Variants in PAK1 observed in about 807,000 individuals in gnomAD.
The protein encoded by PAK1 is serine/threonine-protein kinase PAK 1.
A neutral mutation model predicts 67.4 loss-of-function variants in PAK1; 29 were observed. The ratio of observed to expected loss-of-function variants is 0.43; its 90% CI spans 0.32 to 0.59. The LOEUF (loss-of-function observed/expected upper bound fraction) is 0.59. Among genes scored for constraint, PAK1 ranks in the 20% least tolerant of loss-of-function variants. The pLI, the probability that PAK1 is intolerant of heterozygous loss-of-function variation, is 0.07. For synonymous variants in PAK1, 223 were observed against 237.4 expected, an observed-to-expected ratio of 0.94 and a Z score of 0.56; for missense variants, 337 against 670.7, an observed-to-expected ratio of 0.50 and a Z score of 5.50.
At chr11:77,363,945 G>A (rs1010726712) in intron 5 of PAK1, among the ~76,000 whole-genome samples, 6 of 152,174 alleles carry the variant, frequency 3.9e-5, no homozygotes, top group Non-Finnish European at 7.3e-5. Flanking sequence ...GTTCCATCAG[G>A]GCAGACCAGG....
chr11:77,356,058 T>G (rs1482868796), intron 6 of PAK1: 1 of 458,172 alleles, frequency 2.2e-6, no homozygotes, highest in Non-Finnish European at 3.9e-6. Context: ...GAAGTGAGAG[T>G]CTCAGCACTA....
chr11:77,433,754 G>C (rs1296053107), intron 1 of PAK1, among the ~76,000 whole-genome samples: 1 of 152,162 alleles, frequency 6.6e-6, no homozygotes. Flanking sequence ...ACTCCAGCGT[G>C]GGCGACAGAG....
chr11:77,486,571 C>A, the PAK1 span, among the ~76,000 whole-genome samples: 2 of 152,186 alleles, frequency 1.3e-5, no homozygotes, highest in South Asian at 4.1e-4. Flanking sequence ...CAGACACCAC[C>A]CCTCTTCCAT....
intron 1 of PAK1, among the ~76,000 whole-genome samples, chr11:77,416,539 G>A (rs949071098): frequency 6.6e-6 from 1 of 152,112 alleles, no homozygotes; most frequent in African/African-American, 2.4e-5. Context: ...ACCTGCCTGA[G>A]GCTGTTTTAC....
the PAK1 span, among the ~76,000 whole-genome samples, chr11:77,508,625 CT>C: frequency 6.6e-6 from 1 of 150,504 alleles, no homozygotes; most frequent in Non-Finnish European, 1.5e-5. Context: ...TTTTCTGACT[CT>C]AATTCTCTAT....
chr11:77,441,827 A>G (rs991483170), intron 1 of PAK1, among the ~76,000 whole-genome samples: 2 of 152,228 alleles, frequency 1.3e-5, no homozygotes, highest in African/African-American at 2.4e-5. Flanking sequence ...TTCATCAGCT[A>G]ATTTTCTCCA....
chr11:77,381,511 A>C (rs1949831671), intron 2 of PAK1, among the ~76,000 whole-genome samples: 1 of 152,254 alleles, frequency 6.6e-6, no homozygotes. Context: ...AAGGCTCTTC[A>C]CATTCTATTT....
intron 1 of PAK1, among the ~76,000 whole-genome samples, chr11:77,399,796 T>C (rs1470060343): frequency 8.6e-6 from 1 of 115,870 alleles, no homozygotes; most frequent in Non-Finnish European, 1.6e-5. Flanking sequence ...GAGGCGGAGC[T>C]TGCAGTGAGC....
chr11:77,358,823 G>T, intron 6 of PAK1, 75 bp downstream of exon 6: 2 of 1,447,028 alleles, frequency 1.4e-6, no homozygotes, highest in Non-Finnish European at 1.9e-6. Flanking sequence ...AAACTTCTAG[G>T]TATCAGCACC....
chr11:77,331,841 TAAATA>T (rs61693208), intron 14 of PAK1, among the ~76,000 whole-genome samples: 7,029 of 150,090 alleles, frequency 0.047, 563 homozygotes, highest in African/African-American at 0.16. Context: ...AAATAAAACA[TAAATA>T]AAATAAAATA....
At chr11:77,450,789 T>C (rs905602058) in intron 1 of PAK1, among the ~76,000 whole-genome samples, 9 of 152,212 alleles carry the variant, frequency 5.9e-5, no homozygotes, top group African/African-American at 2.2e-4. Flanking sequence ...TGCTATTCAG[T>C]GGGCTGCAAC....
the PAK1 span, among the ~76,000 whole-genome samples, chr11:77,505,896 A>G: frequency 2.0e-5 from 3 of 152,312 alleles, no homozygotes; most frequent in Admixed American, 6.5e-5. Context: ...CCTAAGAAGG[A>G]GCAATCAGCC....
At chr11:77,462,982 A>AAGGGGGG (rs1555174687) in intron 1 of PAK1, among the ~76,000 whole-genome samples, 1 of 11,702 alleles carries the variant, frequency 8.5e-5, no homozygotes, top group African/African-American at 3.5e-4. Context: ...AAAAAAAAAA[A>AAGGGGGG]GGTGGGTGGG....
chr11:77,521,327 C>T, the PAK1 span, among the ~76,000 whole-genome samples: 2 of 152,044 alleles, frequency 1.3e-5, no homozygotes, highest in East Asian at 1.9e-4. Flanking sequence ...GTTGGGAGTT[C>T]GAGACCAGCC....
chr11:77,431,132 A>T (rs936121079), intron 1 of PAK1, among the ~76,000 whole-genome samples: 1 of 152,162 alleles, frequency 6.6e-6, no homozygotes, highest in African/African-American at 2.4e-5. Flanking sequence ...CTAATGCCAA[A>T]AATGTTGGGG....
At chr11:77,337,235 G>T (rs1942852639) in intron 12 of PAK1, 89 bp downstream of exon 12, 1 of 593,896 alleles carries the variant, frequency 1.7e-6, no homozygotes, top group Non-Finnish European at 3.0e-6. Flanking sequence ...TTTGGTGAGT[G>T]TCGTAGTTAC....
rs115742353 is a variant in PAK1, at chr11:77,471,754, T to C, written c.-22+1798A>G. Reference sequence around the variant, plus strand: ...GCGCTGATGTGGTAAGGTTTTGTTTTACAGAAATCTTTCTGGATGCACAGT... The same window carrying C: ...GCGCTGATGTGGTAAGGTTTTGTTTCACAGAAATCTTTCTGGATGCACAGT... On this transcript the variant is annotated intron_variant, in intron 1 of 14. Transcript: ENST00000356341. Among the ~76,000 whole-genome samples, 468 of 152,334 alleles carry C rather than the reference T, an allele frequency of 3.1e-3. 4 individuals carry two copies. The highest frequency in any genetic ancestry group is 0.011 in the African/African-American group (437 of 41,566).
chr11:77,523,470 A>G, the PAK1 span, among the ~76,000 whole-genome samples: 24 of 147,000 alleles, frequency 1.6e-4, no homozygotes, highest in Non-Finnish European at 1.5e-5. Context: ...CCTAGGCTGG[A>G]GTGCAGTGAC....
intron 1 of PAK1, among the ~76,000 whole-genome samples, chr11:77,444,484 G>C (rs183327665): frequency 7.2e-5 from 11 of 152,070 alleles, no homozygotes; most frequent in Non-Finnish European, 1.0e-4. Flanking sequence ...ATTCACCCTC[G>C]TTTTCTAATG....
Sources: gnomAD v4.1 joint callset for allele counts (sites outside exome capture counted in the v4.1 genomes callset) on GRCh38, gnomAD v4.1.1 for gene constraint, MANE v1.5 for transcripts, NCBI Gene and HGNC (gene_info 2026-07-23, HGNC 2026-07-21) for gene names.